Variants in TBC1D15 observed in about 807,000 individuals in gnomAD.
The protein encoded by TBC1D15 is TBC1 domain family member 15.
In TBC1D15, 39 loss-of-function variants were observed where a neutral mutation model predicts 95.4. The observed-to-expected ratio is 0.41, with a 90% CI of 0.32 to 0.53. The LOEUF (loss-of-function observed/expected upper bound fraction) is 0.53, where lower values mean the gene tolerates loss of function less well. TBC1D15 is among the 20% of genes least tolerant of loss of function. The pLI is 0.29. For missense variants in TBC1D15, 733 were observed against 794.3 expected (o/e 0.92, Z 0.93); for synonymous variants, 258 against 261.3 (o/e 0.99, Z 0.12).
At chr12:71,865,650 C>G (rs1891327837) in intron 1 of TBC1D15, among the ~76,000 whole-genome samples, 1 of 152,112 alleles carries the variant, frequency 6.6e-6, no homozygotes, top group Non-Finnish European at 1.5e-5. Context: ...ATCTCAGCAG[C>G]TTAGACTCTG....
At chr12:71,875,561 C>T (rs537152120) in intron 3 of TBC1D15, among the ~76,000 whole-genome samples, 19 of 151,842 alleles carry the variant, frequency 1.3e-4, no homozygotes, top group Middle Eastern at 3.4e-3. Flanking sequence ...CCTTTCCCTA[C>T]CTTCTCCTCG....
intron 1 of TBC1D15, chr12:71,849,833 A>C: frequency 1.8e-6 from 1 of 555,966 alleles, no homozygotes; most frequent in South Asian, 1.5e-5. Flanking sequence ...GACTTTTGCC[A>C]TTCTGTAGTA....
intron 3 of TBC1D15, among the ~76,000 whole-genome samples, chr12:71,874,933 A>G (rs762174407): frequency 5.4e-4 from 77 of 143,334 alleles, no homozygotes; most frequent in Admixed American, 1.8e-3. Flanking sequence ...TTGCCCATGT[A>G]GTTATATGTC....
rs183419042 is a variant in TBC1D15, at chr12:71,878,401, A to G, written c.205-2068A>G. The stretch of plus-strand genomic sequence containing the variant: ...TTTTGTATGCAGAGTTGGTAGGGGG[A>G]AGTAGAAGTCAGAGAGAGAGAGAGA... On this transcript the variant is annotated intron_variant, in intron 3 of 16. Coordinates refer to ENST00000485960, the MANE Select transcript of TBC1D15 (RefSeq NM_001146213.3). 3.4e-4 allele frequency among the ~76,000 whole-genome samples: 51 copies of G among 151,932 alleles called. No individual in the cohort carries two copies. In the East Asian group the frequency reaches 9.7e-3, roughly 29 times the overall value.
At chr12:71,903,571 T>C (rs1899955919) in intron 10 of TBC1D15, among the ~76,000 whole-genome samples, 1 of 152,168 alleles carries the variant, frequency 6.6e-6, no homozygotes, top group East Asian at 1.9e-4. Flanking sequence ...TGCACATGTA[T>C]GTTCATAGCA....
chr12:71,894,890 A>G lies in TBC1D15; in HGVS notation c.855+7A>G, dbSNP rs1897866018. 2.5e-6 allele frequency: 4 copies of G among 1,609,780 alleles called. No homozygotes were observed. The African/African-American group carries it at 5.4e-5, about 22-fold the overall frequency. On this transcript the variant is annotated splice_region_variant and intron_variant, in intron 7 of 16. Transcript: ENST00000485960. The stretch of plus-strand genomic sequence containing the variant: ...ATTTGAAGTCATCACAAGAGTGAGT[A>G]AAGATTAGTATTAATATAGCTCTTA...
Position 71,921,401 on chromosome 12 carries a change from G to T in TBC1D15, c.1750G>T (p.Glu584Ter). The T allele has an allele frequency of 6.4e-7, 1 of 1,565,852 alleles. No individual in the cohort carries two copies. The highest frequency in any genetic ancestry group is 8.7e-7 in the Non-Finnish European group (1 of 1,151,210). Residue 584 changes from glutamate to a stop codon, truncating the protein, a stop_gained, in exon 16 of 17, where the codon GAA becomes TAA. Transcript: ENST00000485960. LOFTEE classifies it high-confidence loss of function. ...TGAATTGTCCATGAAAATTGATGTGGAAGATATACTCTGCAAGGCAGAAGC... is the reference window on the plus strand; with the variant it reads ...TGAATTGTCCATGAAAATTGATGTGTAAGATATACTCTGCAAGGCAGAAGC... ...INELSMKIDV[E>*]DILCKAEAIS...
intron 10 of TBC1D15, among the ~76,000 whole-genome samples, chr12:71,900,384 A>T (rs886359316): frequency 2.0e-5 from 3 of 152,138 alleles, no homozygotes; most frequent in African/African-American, 7.2e-5. Flanking sequence ...TAACCCATTT[A>T]TGCCTAGTGT....
At chr12:71,871,800 T>A (rs1284981529) in intron 1 of TBC1D15, among the ~76,000 whole-genome samples, 1 of 152,254 alleles carries the variant, frequency 6.6e-6, no homozygotes, top group Non-Finnish European at 1.5e-5. Context: ...GCAATTAGTC[T>A]GACATCTTTG....
Position 71,894,773 on chromosome 12 carries a change from C to A in TBC1D15, c.745C>A (p.Pro249Thr). ...YIFDSLRGSD[P>T]STHQRPPSEM... ...TTTTGACAGTTTGAGAGGCAGCGAT[C>A]CCTCTACACATCAACGACCACCTTC... is the stretch of plus-strand genomic sequence containing the variant. Residue 249 changes from proline to threonine, a missense_variant, in exon 7 of 17, where the codon CCC becomes ACC. Coordinates refer to ENST00000485960, the MANE Select transcript of TBC1D15 (RefSeq NM_001146213.3). 1 of 1,613,286 alleles carries A rather than the reference C, an allele frequency of 6.2e-7. No homozygotes were observed. The highest frequency in any genetic ancestry group is 1.1e-5 in the South Asian group (1 of 91,048).
chr12:71,899,072 G>A (rs1898787536), intron 10 of TBC1D15, among the ~76,000 whole-genome samples: 1 of 152,066 alleles, frequency 6.6e-6, no homozygotes, highest in Admixed American at 6.5e-5. Flanking sequence ...TCCTGCTTGA[G>A]CATAAAATAT....
intron 7 of TBC1D15, 27 bp from the exon 8 acceptor site, chr12:71,895,920 C>T: frequency 6.2e-7 from 1 of 1,603,780 alleles, no homozygotes; most frequent in Non-Finnish European, 8.5e-7. Context: ...TAAATATGTA[C>T]TTATTATTGC....
chr12:71,896,690 C>A lies in TBC1D15; in HGVS notation c.998C>A (p.Ala333Glu). The A allele has an allele frequency of 6.2e-7, 1 of 1,612,488 alleles. No individual in the cohort carries two copies. Reference sequence around the variant, plus strand: ...TGCTTTCTTCAGGGACTTAGTCATGCATTGAGAAAGCAAGCATGGAAATTT... The same window carrying A: ...TGCTTTCTTCAGGGACTTAGTCATGAATTGAGAAAGCAAGCATGGAAATTT... ...QMIFRGGLSH[A>E]LRKQAWKFLL... Residue 333 changes from alanine (A) to glutamate (E), a missense_variant, in exon 9 of 17, where the codon GCA becomes GAA. Transcript: ENST00000485960.
chr12:71,867,965 C>T (rs1218282971), intron 1 of TBC1D15, among the ~76,000 whole-genome samples: 2 of 152,062 alleles, frequency 1.3e-5, no homozygotes, highest in Non-Finnish European at 2.9e-5. Flanking sequence ...CTATTTTTTT[C>T]CTGTGCCCTT....
chr12:71,900,599 C>T (rs1899167415), intron 10 of TBC1D15, among the ~76,000 whole-genome samples: 1 of 152,062 alleles, frequency 6.6e-6, no homozygotes, highest in African/African-American at 2.4e-5. Flanking sequence ...TTACTTAGTG[C>T]CTATTATGTA....
At chr12:71,851,625 A>G (rs843133) in intron 1 of TBC1D15, among the ~76,000 whole-genome samples, 3 of 152,238 alleles carry the variant, frequency 2.0e-5, no homozygotes, top group Non-Finnish European at 4.4e-5. Flanking sequence ...CCATTCCAAA[A>G]GGGAAAAATC....
chr12:71,847,945 A>C (rs1026133598), intron 1 of TBC1D15, among the ~76,000 whole-genome samples: 3 of 151,524 alleles, frequency 2.0e-5, no homozygotes, highest in Non-Finnish European at 4.4e-5. Context: ...TAAAAATACA[A>C]AACTAGCTGG....
intron 11 of TBC1D15, chr12:71,913,603 A>G (rs1447338785): frequency 1.2e-5 from 5 of 424,732 alleles, no homozygotes; most frequent in Non-Finnish European, 2.1e-5. Context: ...TGGAAGCTAT[A>G]TATTGTTTGA....
chr12:71,903,714 AC>A (rs1181361422), intron 10 of TBC1D15, among the ~76,000 whole-genome samples: 1 of 152,238 alleles, frequency 6.6e-6, no homozygotes, highest in Non-Finnish European at 1.5e-5. Context: ...CTTTGCAGCA[AC>A]ATAGATGGAA....
Sources: gnomAD v4.1 joint callset for allele counts (sites outside exome capture counted in the v4.1 genomes callset) on GRCh38, gnomAD v4.1.1 for gene constraint, MANE v1.5 for transcripts, NCBI Gene and HGNC (gene_info 2026-07-23, HGNC 2026-07-21) for gene names.